TBC1D22A: variants seen among roughly 807,000 people sequenced by gnomAD.
TBC1D22A encodes the protein putative GTPase activator.
In TBC1D22A, 38 loss-of-function variants were observed where a neutral mutation model predicts 60.2. The observed-to-expected ratio is 0.63, with a 90% CI of 0.49 to 0.83. The LOEUF (loss-of-function observed/expected upper bound fraction) is 0.83. TBC1D22A is among the 40% of genes least tolerant of loss of function. TBC1D22A has a pLI of 0.00. For missense variants in TBC1D22A, 628 were observed against 701.0 expected (o/e 0.90, Z 1.18); for synonymous variants, 302 against 281.7 (o/e 1.07, Z -0.72).
chr22:46,906,706 A>G (rs5767403), intron 7 of TBC1D22A, among the ~76,000 whole-genome samples: 57,836 of 151,806 alleles, frequency 0.38, 12,878 homozygotes, highest in East Asian at 0.66. Flanking sequence ...TCTCAGCCAC[A>G]TGTACTTCCC....
At position 46,904,158 on chromosome 22, in the gene TBC1D22A, C is replaced by T. The variant is rs557784049; in HGVS notation, c.901-7916C>T. Among the ~76,000 whole-genome samples the T allele has an allele frequency of 4.2e-3, 605 of 143,350 alleles. 5 individuals carry two copies. The highest frequency in any genetic ancestry group is 0.012 in the African/African-American group (427 of 35,594). 94.0% of individuals were successfully genotyped at this position (143,350 alleles called of 152,430 possible). A position where few individuals can be genotyped will look rare whatever the true frequency, so the allele number is the denominator to read the frequency against. The stretch of plus-strand genomic sequence containing the variant: ...ATCTATCTATCTACCTACCTACCTA[C>T]CTACCTACCTACCTACCAGTCTGAG... On this transcript the variant is annotated intron_variant, in intron 7 of 12. Transcript: ENST00000337137.
At chr22:47,151,613 C>CA (rs1238217032) in intron 12 of TBC1D22A, among the ~76,000 whole-genome samples, 1 of 152,160 alleles carries the variant, frequency 6.6e-6, no homozygotes, top group East Asian at 1.9e-4. Flanking sequence ...GGGTCCTGAG[C>CA]ACTGGGCTGT....
At chr22:46,961,805 C>T (rs1282873260) in intron 8 of TBC1D22A, among the ~76,000 whole-genome samples, 1 of 152,156 alleles carries the variant, frequency 6.6e-6, no homozygotes, top group South Asian at 2.1e-4. Context: ...GGTCTGAGTG[C>T]GGCACAATTG....
chr22:47,017,544 C>T (rs546727381), intron 10 of TBC1D22A, among the ~76,000 whole-genome samples: 13 of 152,240 alleles, frequency 8.5e-5, no homozygotes, highest in African/African-American at 2.2e-4. Context: ...GACACACATG[C>T]GCTCTGCCCT....
chr22:47,050,787 G>A (rs1259371429), intron 11 of TBC1D22A, among the ~76,000 whole-genome samples: 3 of 152,150 alleles, frequency 2.0e-5, no homozygotes, highest in East Asian at 1.9e-4. Context: ...AGTGCGCATC[G>A]GTGGAGGTGG....
chr22:46,938,139 T>C (rs2071767194), intron 8 of TBC1D22A, among the ~76,000 whole-genome samples: 1 of 152,220 alleles, frequency 6.6e-6, no homozygotes, highest in Non-Finnish European at 1.5e-5. Flanking sequence ...ACTCACTCAC[T>C]GACTCACCCA....
At chr22:47,077,793 A>C (rs1390815784) in intron 11 of TBC1D22A, among the ~76,000 whole-genome samples, 2 of 152,162 alleles carry the variant, frequency 1.3e-5, no homozygotes, top group Non-Finnish European at 2.9e-5. Context: ...TCTGGGATAA[A>C]GCTCATTTTG....
intron 12 of TBC1D22A, among the ~76,000 whole-genome samples, chr22:47,172,362 G>A (rs982592102): frequency 3.3e-5 from 5 of 152,342 alleles, no homozygotes; most frequent in South Asian, 4.1e-4. Flanking sequence ...TGTACTATGT[G>A]AATTCAATGC....
At chr22:46,894,913 A>G in intron 7 of TBC1D22A, 67 bp downstream of exon 7, 4 of 1,570,288 alleles carry the variant, frequency 2.5e-6, no homozygotes, top group Non-Finnish European at 3.5e-6. Flanking sequence ...TGCTAACCAG[A>G]CAGTGGGCGC....
intron 12 of TBC1D22A, among the ~76,000 whole-genome samples, chr22:47,118,815 A>T (rs2066167509): frequency 1.8e-5 from 1 of 54,132 alleles, no homozygotes; most frequent in East Asian, 4.6e-4. Flanking sequence ...ACACACACAT[A>T]CATTTAAAAA....
intron 8 of TBC1D22A, among the ~76,000 whole-genome samples, chr22:46,960,064 G>C (rs1035761321): frequency 1.4e-4 from 22 of 152,148 alleles, no homozygotes; most frequent in Non-Finnish European, 2.2e-4. Context: ...GTTAGCAGGG[G>C]AATCACACAG....
chr22:47,131,585 A>G (rs766078527), intron 12 of TBC1D22A, among the ~76,000 whole-genome samples: 8 of 151,920 alleles, frequency 5.3e-5, no homozygotes, highest in Non-Finnish European at 1.0e-4. Context: ...TGCTGGAGCA[A>G]GAAGAGTAGA....
At chr22:47,161,105 G>T (rs1288756189) in intron 12 of TBC1D22A, among the ~76,000 whole-genome samples, 1 of 152,244 alleles carries the variant, frequency 6.6e-6, no homozygotes, top group Non-Finnish European at 1.5e-5. Context: ...GACCATGGAG[G>T]TGTACCTCCC....
chr22:46,772,827 A>G (rs1322396859), intron 1 of TBC1D22A, among the ~76,000 whole-genome samples: 2 of 151,556 alleles, frequency 1.3e-5, no homozygotes, highest in African/African-American at 4.8e-5. Flanking sequence ...TTGTATTTTT[A>G]CCATGTTGGC....
At chr22:46,889,189 A>G (rs1394912385) in intron 5 of TBC1D22A, among the ~76,000 whole-genome samples, 1 of 152,208 alleles carries the variant, frequency 6.6e-6, no homozygotes, top group African/African-American at 2.4e-5. Context: ...GAGCTCGTCA[A>G]ACTCAGTGAG....
chr22:46,943,105 T>C (rs2072278086), intron 8 of TBC1D22A, among the ~76,000 whole-genome samples: 1 of 152,062 alleles, frequency 6.6e-6, no homozygotes, highest in African/African-American at 2.4e-5. Flanking sequence ...TGCAAAAGAA[T>C]TATGAAGGAG....
At chr22:46,868,902 G>T (rs1335173232) in intron 4 of TBC1D22A, among the ~76,000 whole-genome samples, 1 of 150,982 alleles carries the variant, frequency 6.6e-6, no homozygotes, top group South Asian at 2.1e-4. Context: ...GTTCATTTGC[G>T]GGGTGAGGTG....
intron 11 of TBC1D22A, among the ~76,000 whole-genome samples, chr22:47,080,793 A>G (rs1377786276): frequency 2.0e-5 from 3 of 152,170 alleles, no homozygotes; most frequent in East Asian, 1.9e-4. Context: ...TGGGCAAGCA[A>G]TGGAGGAGAT....
intron 10 of TBC1D22A, among the ~76,000 whole-genome samples, chr22:47,020,097 CTT>C (rs1226210540): frequency 6.6e-6 from 1 of 152,184 alleles, no homozygotes; most frequent in African/African-American, 2.4e-5. Flanking sequence ...TCATGGAAAA[CTT>C]TTACTGGGTC....
Sources: gnomAD v4.1 joint callset for allele counts (sites outside exome capture counted in the v4.1 genomes callset) on GRCh38, gnomAD v4.1.1 for gene constraint, MANE v1.5 for transcripts, NCBI Gene and HGNC (gene_info 2026-07-23, HGNC 2026-07-21) for gene names.